The following ASPM variants were observed in gnomAD, a reference collection of about 807,000 sequenced individuals.
ASPM encodes assembly factor for spindle microtubules, also known as abnormal spindle-like microcephaly-associated protein.
ASPM carries 256 observed loss-of-function variants against 366.4 expected under a neutral mutation model. The ratio of observed to expected loss-of-function variants is 0.70; its 90% confidence interval spans 0.63 to 0.77. The LOEUF (loss-of-function observed/expected upper bound fraction) is 0.77, where lower values mean the gene tolerates loss of function less well. Among genes scored for constraint, ASPM ranks in the 30% least tolerant of loss-of-function variants. The pLI is 0.00. For synonymous variants in ASPM, 1,414 were observed against 1,342.9 expected (o/e 1.05, Z -1.16); for missense variants, 4,146 against 4,090.4 (o/e 1.01, Z -0.37).
chr1:197,123,640 C>T (rs1397542947), intron 13 of ASPM, among the ~76,000 whole-genome samples: 2 of 151,990 alleles, frequency 1.3e-5, no homozygotes, highest in Non-Finnish European at 2.9e-5. Flanking sequence ...GATAGTTTAT[C>T]CACGTGTTTA....
intron 10 of ASPM, 96 bp from the exon 11 acceptor site, chr1:197,125,287 AGT>A: frequency 7.0e-7 from 1 of 1,421,222 alleles, no homozygotes; most frequent in Non-Finnish European, 9.9e-7. Context: ...AAATCCCAAC[AGT>A]TACAGGGCTT....
At chr1:197,119,027 A>G (rs1375367407) in intron 16 of ASPM, among the ~76,000 whole-genome samples, 1 of 152,200 alleles carries the variant, frequency 6.6e-6, no homozygotes, top group African/African-American at 2.4e-5. Flanking sequence ...ATTAATTAAT[A>G]ACAATCAGTG....
chr1:197,137,764 A>T (rs1658466863), intron 4 of ASPM, among the ~76,000 whole-genome samples: 1 of 152,158 alleles, frequency 6.6e-6, no homozygotes, highest in Admixed American at 6.5e-5. Flanking sequence ...CACAGGTGTA[A>T]GCCACTGCAC....
chr1:197,087,623 C>G (rs1260163975), intron 26 of ASPM, among the ~76,000 whole-genome samples: 1 of 152,162 alleles, frequency 6.6e-6, no homozygotes, highest in Admixed American at 6.6e-5. Context: ...CCAAAGTCTT[C>G]TACTTACCTC....
At position 197,101,260 on chromosome 1, in the gene ASPM, A is replaced by G. The variant is rs1211408172; in HGVS notation, c.7991T>C (p.Val2664Ala). ...IQRRYRKLTA[V>A]RTQAVICIQS... The stretch of plus-strand genomic sequence containing the variant: ...TATACAAATAACTGCTTGGGTACGC[A>G]CTGCAGTTAGTTTTCTGTATCTTCT... Residue 2664 changes from valine (V) to alanine (A), a missense_variant, in exon 18 of 28, where the codon GTG (valine) becomes GCG (alanine). By Grantham distance (64) the Val-to-Ala change is moderately conservative. Around this residue, in one of 3 missense-constraint regions of ASPM, gnomAD observed 3,624 missense variants for 3,591.7 expected, o/e 1.01. Coordinates refer to ENST00000367409, the MANE Select transcript of ASPM (RefSeq NM_018136.5). The G allele has an allele frequency of 6.2e-7, 1 of 1,611,862 alleles. No individual in the cohort carries two copies. The highest frequency in any genetic ancestry group is 8.5e-7 in the Non-Finnish European group (1 of 1,178,740).
rs760346395 is a variant in ASPM, at chr1:197,102,349, C to T, written c.6902G>A (p.Cys2301Tyr). Reference protein sequence around the residue: ...LIQRKYRAHLCTKHHLQFLQV... With the variant: ...LIQRKYRAHLYTKHHLQFLQV... ...AAGGAACTGTAAGTGATGCTTTGTA[C>T]AAAGATGTGCCCGATATTTTCTCTG... The change falls in exon 18 of 28, where the codon TGT becomes TAT. Residue 2301 changes from cysteine to tyrosine, a missense_variant. Physicochemically the swap from Cys to Tyr is radical, Grantham distance 194 (BLOSUM62 -2). This residue lies in a region of ASPM where 3,624 missense variants were observed against 3,591.7 expected (regional missense o/e 1.01). Coordinates refer to ENST00000367409, the MANE Select transcript of ASPM (RefSeq NM_018136.5). 1.2e-6 allele frequency: 2 copies of T among 1,612,738 alleles called. No individual in the cohort carries two copies. The highest frequency in any genetic ancestry group is 1.7e-6 in the Non-Finnish European group (2 of 1,179,264).
chr1:197,088,421 A>G lies in ASPM; in HGVS notation c.9996T>C (p.Thr3332=), dbSNP rs139927527. ...TTTCTACATCATAAACTGCTGAAGT[A>G]GTTTTCTCATACTTGAAGAGAACAG... ...VLLNVSKYEK[T]TSAVYDVENC... is the part of the protein sequence containing the mutation. The change falls in exon 26 of 28, where the codon ACT becomes ACC. Residue 3332 remains threonine (T), a synonymous_variant. Transcript: ENST00000367409. 4.3e-4 allele frequency: 689 copies of G among 1,600,858 alleles called. 1 individual carries two copies. The African/African-American group carries it at 8.2e-3, about 19-fold the overall frequency.
intron 17 of ASPM, among the ~76,000 whole-genome samples, chr1:197,112,701 C>T (rs1291283265): frequency 6.6e-6 from 1 of 152,126 alleles, no homozygotes; most frequent in African/African-American, 2.4e-5. Context: ...CCCCTCCCTG[C>T]TTTGGGTCTT....
At chr1:197,135,617 ATCTG>A (rs1658395270) in intron 4 of ASPM, among the ~76,000 whole-genome samples, 1 of 133,776 alleles carries the variant, frequency 7.5e-6, no homozygotes, top group Non-Finnish European at 1.6e-5. Flanking sequence ...CACCTTAAAT[ATCTG>A]TCTTTTTTTT....
rs41310927 is a variant in ASPM, at chr1:197,101,567, T to C, written c.7684A>G (p.Ser2562Gly). ...TACTGCCTATACATTCTGTAGGTGC[T>C]TTGTATTACGATAGAAGCTTTGTGT... is the stretch of plus-strand genomic sequence containing the variant. ...EKHKASIVIQ[S>G]TYRMYRQYCF... Residue 2562 changes from serine to glycine, a missense_variant, in exon 18 of 28, where the codon AGC becomes GGC. Transcript: ENST00000367409. 0.39 allele frequency: 624,521 copies of C among 1,606,932 alleles called. 129,342 individuals carry two copies. Among genetic ancestry groups the C allele is most frequent in the Non-Finnish European group, 0.43 (509,350 of 1,176,764 alleles).
chr1:197,123,504 T>C (rs894747458), intron 13 of ASPM, among the ~76,000 whole-genome samples: 14 of 152,178 alleles, frequency 9.2e-5, no homozygotes, highest in Non-Finnish European at 1.6e-4. Flanking sequence ...AGTTAAAACA[T>C]AGAAGATTAT....
At position 197,143,640 on chromosome 1, in the gene ASPM, A is replaced by G. The variant is rs567530033; in HGVS notation, c.612T>C (p.Gly204=). Residue 204 remains glycine, a synonymous_variant, in exon 3 of 28, where the codon GGT becomes GGC. Transcript: ENST00000367409. ...ACENLAMNEG[G]PPTENNSLIL... is the part of the protein sequence containing the mutation. ...TTAAAGAATTGTTTTCTGTTGGGGG[A>G]CCGCCTTCATTCATAGCCAAGTTTT... is the stretch of plus-strand genomic sequence containing the variant. 24 of 1,613,226 alleles carry G rather than the reference A, an allele frequency of 1.5e-5. No individual in the cohort carries two copies. The highest frequency in any genetic ancestry group is 1.9e-5 in the Non-Finnish European group (23 of 1,179,900).
chr1:197,090,382 A>G lies in ASPM; in HGVS notation c.9643T>C (p.Trp3215Arg). ...TTCTTCCTCCAAGAATAGCCTCTCCATAATGCCTTAAAGAGATAAAACAGA... is the reference window on the plus strand; with the variant it reads ...TTCTTCCTCCAAGAATAGCCTCTCCGTAATGCCTTAAAGAGATAAAACAGA... Reference protein sequence around the residue: ...TSGIIKIQALWRGYSWRKKND... With the variant: ...TSGIIKIQALRRGYSWRKKND... Residue 3215 changes from tryptophan (W) to arginine (R), a missense_variant, in exon 24 of 28, where the codon TGG becomes CGG. Physicochemically the swap from Trp to Arg is moderately radical, Grantham distance 101 (BLOSUM62 -3). Coordinates refer to ENST00000367409, the MANE Select transcript of ASPM (RefSeq NM_018136.5). The G allele has an allele frequency of 6.2e-7, 1 of 1,605,682 alleles. No individual in the cohort carries two copies. Among genetic ancestry groups the G allele is most frequent in the African/African-American group, 1.3e-5 (1 of 74,804 alleles).
At chr1:197,115,699 T>C (rs560492509) in intron 17 of ASPM, among the ~76,000 whole-genome samples, 1 of 152,338 alleles carries the variant, frequency 6.6e-6, no homozygotes, top group African/African-American at 2.4e-5. Flanking sequence ...GTACTGTCAA[T>C]TAACAGTAAT....
chr1:197,126,434 T>A (rs1371678284), intron 10 of ASPM, among the ~76,000 whole-genome samples: 1 of 83,770 alleles, frequency 1.2e-5, no homozygotes, highest in Non-Finnish European at 2.2e-5. Flanking sequence ...AGTGAGACTC[T>A]GTCTCAAAAA....
chr1:197,143,353 G>T lies in ASPM; in HGVS notation c.899C>A (p.Pro300His). Reference protein sequence around the residue: ...RGENSKLSLTPNCSSTLNITQ... With the variant: ...RGENSKLSLTHNCSSTLNITQ... ...AATGTTCAAAGTTGAAGAACAGTTG[G>T]GGGTAAGACTAAGTTTACTATTCTC... Residue 300 changes from proline (P) to histidine (H), a missense_variant, in exon 3 of 28, where the codon CCC becomes CAC. Pro to His is a moderately conservative substitution (Grantham distance 77). Transcript: ENST00000367409. The T allele has an allele frequency of 6.2e-7, 1 of 1,613,930 alleles. No homozygotes were observed. Among genetic ancestry groups the T allele is most frequent in the Non-Finnish European group, 8.5e-7 (1 of 1,179,804 alleles).
chr1:197,104,697 C>T lies in ASPM; in HGVS notation c.4554G>A (p.Gln1518=), dbSNP rs189994203. The T allele has an allele frequency of 6.2e-7, 1 of 1,612,928 alleles. No homozygotes were observed. Among genetic ancestry groups the T allele is most frequent in the East Asian group, 2.2e-5 (1 of 44,818 alleles). ...CTTTCAGATATGCTTTGTAGTACTT[C>T]TGGATGGTTAGTATGGACTCTTTTC... ...KRRKESILTI[Q]KYYKAYLKGK... The change falls in exon 18 of 28, where the codon CAG becomes CAA. Residue 1518 remains glutamine (Q), a synonymous_variant. Transcript: ENST00000367409.
intron 10 of ASPM, among the ~76,000 whole-genome samples, chr1:197,128,147 G>C (rs966989814): frequency 1.3e-4 from 20 of 150,756 alleles, no homozygotes; most frequent in Admixed American, 3.3e-4. Context: ...CTGGGCAACA[G>C]AGCAAGACTC....
At chr1:197,134,692 T>G (rs1468351696) in intron 5 of ASPM, among the ~76,000 whole-genome samples, 4 of 152,218 alleles carry the variant, frequency 2.6e-5, no homozygotes, top group African/African-American at 9.6e-5. Context: ...CTTTCCCAAG[T>G]TTTCTCTTTT....
Sources: gnomAD v4.1 joint callset for allele counts (sites outside exome capture counted in the v4.1 genomes callset) on GRCh38, gnomAD v4.1.1 for gene constraint, gnomAD v4.1.1 regional missense constraint, MANE v1.5 for transcripts, NCBI Gene and HGNC (gene_info 2026-07-23, HGNC 2026-07-21) for gene names.